Variants in CACNA2D1 observed in about 807,000 individuals in gnomAD.
CACNA2D1 encodes the protein voltage-dependent calcium channel subunit alpha-2/delta-1.
A neutral mutation model predicts 171.5 loss-of-function variants in CACNA2D1; 53 were observed. The observed-to-expected ratio is 0.31, with a 90% CI of 0.25 to 0.39. The LOEUF is 0.39. CACNA2D1 is among the 10% of genes least tolerant of loss of function. CACNA2D1 has a pLI of 1.00. For synonymous variants in CACNA2D1, 442 were observed against 443.1 expected (o/e 1.00, Z 0.03); for missense variants, 903 against 1,299.8 (o/e 0.69, Z 4.69).
chr7:82,101,259 G>A (rs1256335010), intron 6 of CACNA2D1, among the ~76,000 whole-genome samples: 1 of 152,094 alleles, frequency 6.6e-6, no homozygotes, highest in African/African-American at 2.4e-5. Flanking sequence ...GGTTAGAACA[G>A]ACTTCTCAAC....
intron 5 of CACNA2D1, among the ~76,000 whole-genome samples, chr7:82,126,093 T>A (rs1462716874): frequency 1.7e-4 from 26 of 152,246 alleles, no homozygotes. Context: ...ATCTTTATAA[T>A]AACTGAGGTT....
intron 6 of CACNA2D1, among the ~76,000 whole-genome samples, chr7:82,097,176 A>T (rs756898209): frequency 6.6e-6 from 1 of 152,188 alleles, no homozygotes; most frequent in African/African-American, 2.4e-5. Context: ...CTGGGAGTTG[A>T]ACATTGTTCA....
intron 3 of CACNA2D1, among the ~76,000 whole-genome samples, chr7:82,201,352 T>C (rs1799411382): frequency 6.6e-6 from 1 of 152,232 alleles, no homozygotes; most frequent in Non-Finnish European, 1.5e-5. Context: ...TTGGTTCTCA[T>C]GCATCTAGTC....
chr7:82,009,449 C>A (rs1326761422), intron 15 of CACNA2D1, among the ~76,000 whole-genome samples: 1 of 152,002 alleles, frequency 6.6e-6, no homozygotes, highest in African/African-American at 2.4e-5. Context: ...CCTCCCACCT[C>A]AATAAAGTCA....
At position 82,315,830 on chromosome 7, in the gene CACNA2D1, G is replaced by A. The variant is rs73704216; in HGVS notation, c.294+19305C>T. ...ACACAGTGTAAATCAACTAATGCCC[G>A]CTAACAGTAGAATTAATCAAAATTT... On this transcript the variant is annotated intron_variant, in intron 3 of 38. Transcript: ENST00000356860. Among the ~76,000 whole-genome samples, 486 of 152,158 alleles carry A rather than the reference G, an allele frequency of 3.2e-3. 1 individual carries two copies. Among genetic ancestry groups the A allele is most frequent in the African/African-American group, 0.011 (461 of 41,542 alleles).
At chr7:82,136,166 A>C (rs941865126) in intron 5 of CACNA2D1, among the ~76,000 whole-genome samples, 1 of 152,170 alleles carries the variant, frequency 6.6e-6, no homozygotes, top group Non-Finnish European at 1.5e-5. Flanking sequence ...ACTTTGTTTC[A>C]AAGACTGTAC....
chr7:82,363,254 C>CTCTTT (rs1821286522), intron 1 of CACNA2D1, among the ~76,000 whole-genome samples: 2 of 63,420 alleles, frequency 3.2e-5, no homozygotes, highest in African/African-American at 1.7e-4. Context: ...TTATTTGTCT[C>CTCTTT]TTTTTTTTTT....
chr7:82,201,377 A>C (rs1164816888), intron 3 of CACNA2D1, among the ~76,000 whole-genome samples: 1 of 152,200 alleles, frequency 6.6e-6, no homozygotes, highest in Non-Finnish European at 1.5e-5. Flanking sequence ...TTTTTTAATC[A>C]CTTTAGAATG....
chr7:82,004,964 T>C (rs1273026442), intron 18 of CACNA2D1, among the ~76,000 whole-genome samples: 4 of 152,160 alleles, frequency 2.6e-5, no homozygotes, highest in African/African-American at 7.2e-5. Context: ...TTACATCTGT[T>C]TACAGGCCTG....
rs555193536 is a variant in CACNA2D1, at chr7:82,297,064, G to A, written c.294+38071C>T. On this transcript the variant is annotated intron_variant, in intron 3 of 38. Transcript: ENST00000356860. ...AGCCAGGGAAACATAGTGAGGCTCT[G>A]TGTCTACCAAAAAAAAAAAAAAAAA... 2.8e-4 allele frequency among the ~76,000 whole-genome samples: 19 copies of A among 68,280 alleles called. 1 individual carries two copies. The highest frequency in any genetic ancestry group is 2.2e-3 in the Admixed American group (14 of 6,410). The allele number at this position is 68,280 out of a possible 152,430, so 44.8% of individuals were successfully genotyped here. A position where few individuals can be genotyped will look rare whatever the true frequency, so the allele number is the denominator to read the frequency against.
chr7:82,147,169 A>G (rs915701890), intron 4 of CACNA2D1, among the ~76,000 whole-genome samples: 3 of 152,036 alleles, frequency 2.0e-5, no homozygotes, highest in African/African-American at 7.2e-5. Flanking sequence ...TAGGAAATCA[A>G]GGAGAAATTC....
intron 12 of CACNA2D1, among the ~76,000 whole-genome samples, chr7:82,026,792 C>T (rs916699221): frequency 5.9e-5 from 9 of 151,630 alleles, no homozygotes; most frequent in Admixed American, 3.3e-4. Flanking sequence ...CATATGTACA[C>T]TATTTTATGT....
intron 1 of CACNA2D1, among the ~76,000 whole-genome samples, chr7:82,395,712 C>A (rs1393607102): frequency 1.3e-5 from 2 of 152,078 alleles, no homozygotes; most frequent in Non-Finnish European, 2.9e-5. Context: ...GCATGCCTAC[C>A]TGCATTTATA....
rs1400621874 is a variant in CACNA2D1, at chr7:81,964,363, G to A, written c.2575-4C>T. On this transcript the variant is annotated splice_region_variant and splice_polypyrimidine_tract_variant and intron_variant, in intron 32 of 38. Coordinates refer to ENST00000356860, the MANE Select transcript of CACNA2D1 (RefSeq NM_000722.4). ...TCTCTCCAAAAAATCTTCCAATCTG[G>A]TGAAGAAAAAAATCATAAAGCAACG... 1 of 1,610,566 alleles carries A rather than the reference G, an allele frequency of 6.2e-7. No homozygotes were observed. Among genetic ancestry groups the A allele is most frequent in the Non-Finnish European group, 8.5e-7 (1 of 1,178,016 alleles).
Position 82,174,042 on chromosome 7 carries a change from C to CAA in CACNA2D1, c.295-3435_295-3434dup, listed in dbSNP as rs71093365. The stretch of plus-strand genomic sequence containing the variant: ...TGAGCTATAGTGCAAGACCCTGTCT[C>CAA]AAAAAAAAAAAAAAAAAAAAAAAAA... On this transcript the variant is annotated intron_variant, in intron 3 of 38. Coordinates refer to ENST00000356860, the MANE Select transcript of CACNA2D1 (RefSeq NM_000722.4). Among the ~76,000 whole-genome samples the CAA allele has an allele frequency of 1.0e-3, 47 of 45,634 alleles. 3 individuals are homozygous for CAA. The highest frequency in any genetic ancestry group is 2.1e-3 in the African/African-American group (24 of 11,436). The allele number at this position is 45,634 out of a possible 152,430, so 29.9% of individuals were successfully genotyped here. A position where few individuals can be genotyped will look rare whatever the true frequency, so the allele number is the denominator to read the frequency against.
intron 3 of CACNA2D1, among the ~76,000 whole-genome samples, chr7:82,302,575 G>A (rs566902616): frequency 7.2e-5 from 11 of 151,752 alleles, no homozygotes; most frequent in African/African-American, 1.7e-4. Context: ...CACCACACCC[G>A]GGTAATTTTG....
chr7:82,435,242 A>G (rs1830025247), intron 1 of CACNA2D1, among the ~76,000 whole-genome samples: 1 of 151,842 alleles, frequency 6.6e-6, no homozygotes, highest in Admixed American at 6.6e-5. Context: ...TCACCGTGTT[A>G]GCCAGGATTG....
chr7:82,383,682 G>T (rs561456562), intron 1 of CACNA2D1, among the ~76,000 whole-genome samples: 2 of 152,236 alleles, frequency 1.3e-5, no homozygotes, highest in African/African-American at 4.8e-5. Context: ...AATGCTTTTG[G>T]TTTATCACCT....
intron 3 of CACNA2D1, among the ~76,000 whole-genome samples, chr7:82,324,391 T>TAAAA (rs58332794): frequency 7.0e-6 from 1 of 142,622 alleles, no homozygotes; most frequent in Non-Finnish European, 1.5e-5. Context: ...GGAGTTGTTT[T>TAAAA]AAAAAAAAAA....
Sources: allele counts gnomAD v4.1 joint callset (sites outside exome capture counted in the v4.1 genomes callset), GRCh38; gene constraint gnomAD v4.1.1; transcripts MANE v1.5; gene names NCBI Gene and HGNC (gene_info 2026-07-23, HGNC 2026-07-21).